Variants in SPATA6 observed in about 807,000 individuals in gnomAD.
The protein encoded by SPATA6 is spermatogenesis-associated protein 6.
In SPATA6, 56 loss-of-function variants were observed where a neutral mutation model predicts 65.3. The ratio of observed to expected loss-of-function variants is 0.86; its 90% CI spans 0.69 to 1.07. The LOEUF (loss-of-function observed/expected upper bound fraction) is 1.07. SPATA6 is among the 50% of genes least tolerant of loss of function. The probability of loss-of-function intolerance (pLI) is 0.00; values close to 1 mark genes in which losing one functional copy is unlikely to be tolerated. For missense variants in SPATA6, 590 were observed against 594.8 expected (o/e 0.99, Z 0.08); for synonymous variants, 199 against 213.2 (o/e 0.93, Z 0.58).
chr1:48,443,503 A>T (rs969498510), intron 3 of SPATA6, among the ~76,000 whole-genome samples: 3 of 152,194 alleles, frequency 2.0e-5, no homozygotes, highest in Non-Finnish European at 4.4e-5. Flanking sequence ...GTTTGCAAGA[A>T]ATAACAAAAT....
At chr1:48,445,480 A>G (rs544160386) in intron 3 of SPATA6, among the ~76,000 whole-genome samples, 89 of 152,002 alleles carry the variant, frequency 5.9e-4, no homozygotes, top group African/African-American at 1.6e-3. Flanking sequence ...CTAACATGGT[A>G]AAACCCCGTC....
intron 3 of SPATA6, among the ~76,000 whole-genome samples, chr1:48,417,024 G>A (rs1652846075): frequency 6.6e-6 from 1 of 152,118 alleles, no homozygotes; most frequent in Admixed American, 6.5e-5. Context: ...CTTTCCCTCT[G>A]AGATAAAGAG....
At chr1:48,367,313 T>C (rs969317151) in intron 9 of SPATA6, among the ~76,000 whole-genome samples, 9 of 152,118 alleles carry the variant, frequency 5.9e-5, no homozygotes, top group Non-Finnish European at 1.2e-4. Context: ...CTATTAGGTC[T>C]GCTTGGTGCA....
At chr1:48,457,298 G>A (rs1188925691) in intron 1 of SPATA6, among the ~76,000 whole-genome samples, 1 of 151,990 alleles carries the variant, frequency 6.6e-6, no homozygotes, top group Non-Finnish European at 1.5e-5. Context: ...TGGGCATGGT[G>A]GCACATGCCT....
intron 3 of SPATA6, among the ~76,000 whole-genome samples, chr1:48,421,048 G>T (rs1369007532): frequency 6.6e-6 from 1 of 152,100 alleles, no homozygotes; most frequent in African/African-American, 2.4e-5. Flanking sequence ...TAGGTTAAGA[G>T]GAAGAGAGGA....
chr1:48,265,997 T>A, the SPATA6 span, among the ~76,000 whole-genome samples: 1 of 152,216 alleles, frequency 6.6e-6, no homozygotes, highest in African/African-American at 2.4e-5. Context: ...TACTGCATTT[T>A]AAAAATCCCA....
intron 11 of SPATA6, chr1:48,325,076 TATC>T (rs1412921694): frequency 7.9e-6 from 3 of 380,774 alleles, no homozygotes; most frequent in African/African-American, 2.1e-5. Context: ...TGACCAAAAA[TATC>T]ATATCAGTAA....
chr1:48,400,809 T>C (rs1383232312), intron 6 of SPATA6: 3 of 1,295,754 alleles, frequency 2.3e-6, no homozygotes, highest in Non-Finnish European at 3.0e-6. Flanking sequence ...CCTTCTTCTG[T>C]AGTTCATGGT....
intron 9 of SPATA6, among the ~76,000 whole-genome samples, chr1:48,363,855 G>T (rs780109115): frequency 3.3e-5 from 5 of 151,470 alleles, no homozygotes; most frequent in Non-Finnish European, 5.9e-5. Context: ...CAATGTGAAG[G>T]TTTGTTACAT....
intron 9 of SPATA6, among the ~76,000 whole-genome samples, chr1:48,371,278 G>A (rs902311053): frequency 1.5e-5 from 2 of 132,004 alleles, no homozygotes; most frequent in Non-Finnish European, 3.2e-5. Context: ...TATATAGATA[G>A]ATAGATAGAT....
the SPATA6 span, among the ~76,000 whole-genome samples, chr1:48,283,678 CAAAAAAA>C: frequency 1.6e-5 from 1 of 60,838 alleles, no homozygotes; most frequent in Admixed American, 2.3e-4. Context: ...GACTCCGTCT[CAAAAAAA>C]AAAAAAAAAA....
intron 10 of SPATA6, among the ~76,000 whole-genome samples, chr1:48,356,078 T>A (rs1252619316): frequency 6.6e-6 from 1 of 151,962 alleles, no homozygotes; most frequent in African/African-American, 2.4e-5. Context: ...AGAAAAAAAA[T>A]ACCTAATTTT....
chr1:48,362,346 G>A (rs1350098991), intron 9 of SPATA6, among the ~76,000 whole-genome samples: 2 of 152,102 alleles, frequency 1.3e-5, no homozygotes, highest in Non-Finnish European at 2.9e-5. Context: ...CGAACCAATT[G>A]GCCTGGATTA....
downstream of SPATA6, among the ~76,000 whole-genome samples, chr1:48,293,852 G>A (rs1644783861): frequency 6.6e-6 from 1 of 152,076 alleles, no homozygotes; most frequent in Non-Finnish European, 1.5e-5. Context: ...TGAGAACTGT[G>A]TTTCTGTTTA....
chr1:48,462,308 C>T (rs1012635163), intron 1 of SPATA6, among the ~76,000 whole-genome samples: 4 of 151,658 alleles, frequency 2.6e-5, no homozygotes, highest in African/African-American at 9.7e-5. Flanking sequence ...ACAAACCGGC[C>T]CATTGTGCAC....
At chr1:48,448,813 T>C (rs747941825) in intron 3 of SPATA6, among the ~76,000 whole-genome samples, 2 of 152,166 alleles carry the variant, frequency 1.3e-5, no homozygotes, top group East Asian at 1.9e-4. Flanking sequence ...TATAACTCTT[T>C]AGATGAAATT....
intron 8 of SPATA6, among the ~76,000 whole-genome samples, chr1:48,386,719 G>C (rs1375038940): frequency 6.6e-6 from 1 of 152,300 alleles, no homozygotes; most frequent in South Asian, 2.1e-4. Context: ...CTGAACCCTC[G>C]TGAGCCCTGA....
rs34415296 is a variant in SPATA6 at position 48,418,544 on chromosome 1, C to CAAAAAAAAAAAAAA, written c.239-5407_239-5394dup. ...GCAACATGGCAAGAACCCATCCCTA[C>CAAAAAAAAAAAAAA]AAAAAAAAAAAAAAAAAAAAAAAAA... On this transcript the variant is annotated intron_variant, in intron 3 of 12. Coordinates refer to ENST00000371847, the MANE Select transcript of SPATA6 (RefSeq NM_019073.4). 1.8e-4 allele frequency among the ~76,000 whole-genome samples: 9 copies of CAAAAAAAAAAAAAA among 49,696 alleles called. 1 individual carries two copies. Among genetic ancestry groups the CAAAAAAAAAAAAAA allele is most frequent in the Admixed American group, 1.2e-3 (3 of 2,594 alleles). 32.6% of individuals were successfully genotyped at this position (49,696 alleles called of 152,430 possible).
chr1:48,321,254 C>G (rs145452683), intron 11 of SPATA6, among the ~76,000 whole-genome samples: 1 of 152,014 alleles, frequency 6.6e-6, no homozygotes, highest in African/African-American at 2.4e-5. Context: ...ACAACAACAA[C>G]AATAATCAAC....
Sources: gnomAD v4.1 joint callset for allele counts (sites outside exome capture counted in the v4.1 genomes callset) on GRCh38, gnomAD v4.1.1 for gene constraint, MANE v1.5 for transcripts, NCBI Gene and HGNC (gene_info 2026-07-23, HGNC 2026-07-21) for gene names.